RPS6KB1: variants seen among roughly 807,000 people sequenced by gnomAD.
RPS6KB1 encodes the protein ribosomal protein S6 kinase B1.
A neutral mutation model predicts 70.2 loss-of-function variants in RPS6KB1; 12 were observed. That is an observed-to-expected ratio of 0.17 (90% CI 0.11 to 0.28). The LOEUF (loss-of-function observed/expected upper bound fraction) is 0.28. RPS6KB1 is among the 10% of genes least tolerant of loss of function. The pLI is 1.00. For missense variants in RPS6KB1, 270 were observed against 646.6 expected (o/e 0.42, Z 6.32); for synonymous variants, 175 against 211.2 (o/e 0.83, Z 1.49).
At chr17:59,921,975 G>A (rs143334256) in intron 4 of RPS6KB1, among the ~76,000 whole-genome samples, 258 of 151,254 alleles carry the variant, frequency 1.7e-3, no homozygotes, top group Non-Finnish European at 2.9e-3. Flanking sequence ...CAATTTGAGA[G>A]TTAACTGCAG....
At chr17:59,921,901 TGCCTGTTTTTTG>T (rs2043287659) in intron 4 of RPS6KB1, among the ~76,000 whole-genome samples, 1 of 152,216 alleles carries the variant, frequency 6.6e-6, no homozygotes, top group African/African-American at 2.4e-5. Flanking sequence ...ATTCCTACAA[TGCCTGTTTTTTG>T]GCCCTAAGCC....
chr17:59,903,995 C>T (rs2144715932), intron 1 of RPS6KB1, among the ~76,000 whole-genome samples: 1 of 152,204 alleles, frequency 6.6e-6, no homozygotes, highest in South Asian at 2.1e-4. Context: ...TCCACCTTGG[C>T]CTCCCAAAGT....
chr17:59,906,469 A>G (rs1008264157), intron 1 of RPS6KB1, among the ~76,000 whole-genome samples: 11 of 151,930 alleles, frequency 7.2e-5, no homozygotes, highest in Admixed American at 7.2e-4. Flanking sequence ...GGTTCAAGCC[A>G]TTCTTCTGCC....
rs1213128839 is a variant in RPS6KB1, at chr17:59,935,198, A to G, written c.876A>G (p.Pro292=). ...LMYDMLTGAP[P]FTGENRKKTI... ...CACTTGTCTTCTACTCTTAGCCCCCATTCACTGGGGAGAATAGAAAGAAAA... is the reference window on the plus strand; with the variant it reads ...CACTTGTCTTCTACTCTTAGCCCCCGTTCACTGGGGAGAATAGAAAGAAAA... The change falls in exon 10 of 15, where the codon CCA becomes CCG. Residue 292 remains proline, a synonymous_variant. Coordinates refer to ENST00000225577, the MANE Select transcript of RPS6KB1 (RefSeq NM_003161.4). 1.2e-6 allele frequency: 2 copies of G among 1,604,052 alleles called. No individual in the cohort carries two copies. The highest frequency in any genetic ancestry group is 3.3e-5 in the Admixed American group (2 of 59,740).
chr17:59,905,412 G>A (rs761833198), intron 1 of RPS6KB1, among the ~76,000 whole-genome samples: 5 of 152,040 alleles, frequency 3.3e-5, no homozygotes, highest in Non-Finnish European at 2.9e-5. Context: ...TTTTGGTAAT[G>A]TATATAAGAA....
chr17:59,941,292 T>C (rs1182743467), intron 13 of RPS6KB1, among the ~76,000 whole-genome samples: 1 of 151,644 alleles, frequency 6.6e-6, no homozygotes, highest in Non-Finnish European at 1.5e-5. Flanking sequence ...TGTATTTTAT[T>C]CCTGAAACAG....
chr17:59,930,073 A>G, intron 5 of RPS6KB1, 44 bp from the exon 6 acceptor site: 1 of 1,020,302 alleles, frequency 9.8e-7, no homozygotes, highest in South Asian at 1.3e-5. Flanking sequence ...TGGGTTGGAA[A>G]TAAATATTGT....
At chr17:59,895,001 C>G (rs1435162435) in intron 1 of RPS6KB1, among the ~76,000 whole-genome samples, 16 of 145,328 alleles carry the variant, frequency 1.1e-4, no homozygotes, top group Admixed American at 1.1e-3. Context: ...CTTTTCTTTT[C>G]TTTTCTTTCT....
chr17:59,894,905 A>C (rs541180252), intron 1 of RPS6KB1, among the ~76,000 whole-genome samples: 2 of 152,128 alleles, frequency 1.3e-5, no homozygotes, highest in Admixed American at 1.3e-4. Flanking sequence ...ATACCTGACC[A>C]ATACTGTTCT....
intron 6 of RPS6KB1, chr17:59,930,921 C>T (rs1177301489): frequency 6.6e-6 from 1 of 152,362 alleles, no homozygotes; most frequent in Admixed American, 6.5e-5. Context: ...GAAACTGCCT[C>T]AGTCCTCTAG....
chr17:59,924,705 A>G (rs966408992), intron 4 of RPS6KB1, among the ~76,000 whole-genome samples: 2 of 151,902 alleles, frequency 1.3e-5, no homozygotes, highest in African/African-American at 2.4e-5. Flanking sequence ...TATTATATAT[A>G]TTCTCATTTC....
At chr17:59,937,788 T>C (rs180520) in intron 12 of RPS6KB1, among the ~76,000 whole-genome samples, 78,517 of 152,054 alleles carry the variant, frequency 0.52, 21,069 homozygotes, top group African/African-American at 0.67. Flanking sequence ...AGAATTTCAA[T>C]GTACGAAATT....
chr17:59,897,840 C>G (rs1216149332), intron 1 of RPS6KB1, among the ~76,000 whole-genome samples: 1 of 151,938 alleles, frequency 6.6e-6, no homozygotes, highest in African/African-American at 2.4e-5. Flanking sequence ...TGGTGCACAC[C>G]TCTAGTCCCA....
chr17:59,900,169 TAA>T (rs1491565800), intron 1 of RPS6KB1, among the ~76,000 whole-genome samples: 49 of 57,484 alleles, frequency 8.5e-4, no homozygotes, highest in African/African-American at 2.6e-3. Context: ...ACCTAATTGC[TAA>T]ACACACACAC....
In RPS6KB1 at chr17:59,950,075, A is replaced by G. The variant is rs1327378551; in HGVS notation, c.*3287A>G. The stretch of plus-strand genomic sequence containing the variant: ...TAGACACTAGCAAGCTGGACAAACT[A>G]TCACAAAAGTATTTGTCACACATAA... On this transcript the variant is annotated 3_prime_UTR_variant, in exon 15 of 15. Coordinates refer to ENST00000225577, the MANE Select transcript of RPS6KB1 (RefSeq NM_003161.4). 2.6e-5 allele frequency: 4 copies of G among 152,564 alleles called. No individual in the cohort carries two copies. Among genetic ancestry groups the G allele is most frequent in the Non-Finnish European group, 5.9e-5 (4 of 67,952 alleles). The allele number at this position is 152,564 out of a possible 1,614,324, so 9.5% of individuals were successfully genotyped here.
chr17:59,938,230 T>G (rs1457421502), intron 12 of RPS6KB1, among the ~76,000 whole-genome samples: 1 of 141,714 alleles, frequency 7.1e-6, no homozygotes, highest in East Asian at 2.2e-4. Flanking sequence ...TGGAGTGCAG[T>G]GGCATGATAG....
intron 13 of RPS6KB1, among the ~76,000 whole-genome samples, chr17:59,941,565 A>G (rs2044585922): frequency 1.3e-5 from 2 of 151,896 alleles, no homozygotes; most frequent in Admixed American, 6.5e-5. Context: ...TGGCTTCCCA[A>G]AGTGCCAAAA....
chr17:59,917,832 T>C (rs909202475), intron 4 of RPS6KB1, among the ~76,000 whole-genome samples: 17 of 152,252 alleles, frequency 1.1e-4, no homozygotes, highest in African/African-American at 4.1e-4. Context: ...CTGTTTTCTC[T>C]TCTTGGAATT....
At chr17:59,938,446 A>G (rs886790696) in intron 12 of RPS6KB1, among the ~76,000 whole-genome samples, 2 of 150,832 alleles carry the variant, frequency 1.3e-5, no homozygotes, top group African/African-American at 4.9e-5. Context: ...AGGTCTGTAT[A>G]TAGTTTGGTT....
Sources: allele counts gnomAD v4.1 joint callset (sites outside exome capture counted in the v4.1 genomes callset), GRCh38; gene constraint gnomAD v4.1.1; transcripts MANE v1.5; gene names NCBI Gene and HGNC (gene_info 2026-07-23, HGNC 2026-07-21).